Variants in UGT1A7 observed in about 807,000 individuals in gnomAD.
UGT1A7 encodes UDP-glucuronosyltransferase 1A7.
UGT1A7 carries 33 observed loss-of-function variants against 45.6 expected under a neutral mutation model. The ratio of observed to expected loss-of-function variants is 0.72; its 90% CI spans 0.55 to 0.97. The LOEUF (loss-of-function observed/expected upper bound fraction) is 0.97, where lower values mean the gene tolerates loss of function less well. UGT1A7 is among the 50% of genes least tolerant of loss of function. The pLI is 0.00. For synonymous variants in UGT1A7, 274 were observed against 250.6 expected (o/e 1.09, Z -0.88); for missense variants, 684 against 666.2 (o/e 1.03, Z -0.29).
At chr2:233,730,120 A>G in intron 1 of UGT1A7, 3 of 1,552,984 alleles carry the variant, frequency 1.9e-6, no homozygotes, top group Non-Finnish European at 1.7e-6. Context: ...TCTCCTTGTC[A>G]TAATAGCCTT....
intron 1 of UGT1A7, among the ~76,000 whole-genome samples, chr2:233,705,792 T>C (rs1402814731): frequency 2.6e-5 from 4 of 152,152 alleles, no homozygotes; most frequent in African/African-American, 7.2e-5. Context: ...AAAATGCCCC[T>C]TGTTCAAAAA....
chr2:233,757,927 A>C (rs1242249137), intron 1 of UGT1A7, among the ~76,000 whole-genome samples: 4 of 152,044 alleles, frequency 2.6e-5, no homozygotes, highest in African/African-American at 9.7e-5. Flanking sequence ...GCAGCCCCCA[A>C]AGCAAGACCA....
At chr2:233,719,798 T>C (rs2125672120) in intron 1 of UGT1A7, 1 of 1,604,450 alleles carries the variant, frequency 6.2e-7, no homozygotes, top group Non-Finnish European at 8.5e-7. Flanking sequence ...GATTTTATTT[T>C]GGCTTCTTTA....
At chr2:233,749,107 C>T (rs2125896789) in intron 1 of UGT1A7, among the ~76,000 whole-genome samples, 1 of 151,856 alleles carries the variant, frequency 6.6e-6, no homozygotes, top group Non-Finnish European at 1.5e-5. Flanking sequence ...GAGAATTCAG[C>T]CTTTTTATGT....
At chr2:233,759,776 G>A (rs1697250630) in intron 1 of UGT1A7, among the ~76,000 whole-genome samples, 1 of 152,160 alleles carries the variant, frequency 6.6e-6, no homozygotes, top group African/African-American at 2.4e-5. Context: ...ATTGTTGGAC[G>A]AAGGAATGAA....
intron 1 of UGT1A7, chr2:233,748,151 T>G (rs1288204203): frequency 6.9e-6 from 11 of 1,604,706 alleles, no homozygotes; most frequent in Admixed American, 3.3e-5. Context: ...TTACTTACAA[T>G]TGCTTCCATA....
intron 1 of UGT1A7, chr2:233,760,635 A>G (rs1697508597): frequency 6.2e-7 from 1 of 1,614,006 alleles, no homozygotes; most frequent in African/African-American, 1.3e-5. Context: ...ACAAGAAAAT[A>G]AAAAAGGACT....
At chr2:233,760,540 A>G (rs777452318) in intron 1 of UGT1A7, 2 of 1,614,130 alleles carry the variant, frequency 1.2e-6, no homozygotes, top group Non-Finnish European at 8.5e-7. Flanking sequence ...GCCATTCCAA[A>G]GGGAGGATGT....
At chr2:233,740,246 T>G (rs1354461528) in intron 1 of UGT1A7, among the ~76,000 whole-genome samples, 1 of 151,876 alleles carries the variant, frequency 6.6e-6, no homozygotes, top group African/African-American at 2.4e-5. Flanking sequence ...GAGAATAGAC[T>G]AATACAAGAT....
In UGT1A7 at chr2:233,767,872, C is replaced by A. The variant is rs997427896; in HGVS notation, c.1011C>A (p.Thr337=). The A allele has an allele frequency of 6.2e-7, 1 of 1,614,024 alleles. No individual in the cohort carries two copies. The highest frequency in any genetic ancestry group is 8.5e-7 in the Non-Finnish European group (1 of 1,180,044). The change falls in exon 3 of 5, where the codon ACC becomes ACA. Residue 337 remains threonine (T), a synonymous_variant. Coordinates refer to ENST00000373426, the MANE Select transcript of UGT1A7 (RefSeq NM_019077.3). ...PQTVLWRYTG[T]RPSNLANNTI... is the part of the protein sequence containing the mutation. Reference sequence around the variant, plus strand: ...AGGTCCTGTGGCGGTACACTGGAACCCGACCATCGAATCTTGCGAACAACA... The same window carrying A: ...AGGTCCTGTGGCGGTACACTGGAACACGACCATCGAATCTTGCGAACAACA...
intron 1 of UGT1A7, chr2:233,718,719 G>C: frequency 6.2e-7 from 1 of 1,609,316 alleles, no homozygotes; most frequent in Admixed American, 1.7e-5. Context: ...ATTACATGCT[G>C]ATTTGCTAGG....
chr2:233,693,265 G>A (rs1232427897), intron 1 of UGT1A7: 2 of 1,614,108 alleles, frequency 1.2e-6, no homozygotes, highest in South Asian at 2.2e-5. Flanking sequence ...AAGAAGAGCT[G>A]AAGAACCGTT....
At chr2:233,750,521 T>C (rs528794181) in intron 1 of UGT1A7, 1 of 151,984 alleles carries the variant, frequency 6.6e-6, no homozygotes, top group East Asian at 1.9e-4. Context: ...GCCAAGACAA[T>C]GGGGAAAATG....
At chr2:233,696,118 A>G (rs919527983) in intron 1 of UGT1A7, among the ~76,000 whole-genome samples, 1 of 152,248 alleles carries the variant, frequency 6.6e-6, no homozygotes, top group African/African-American at 2.4e-5. Context: ...AAAAAGAACT[A>G]GAACTGCCCC....
At chr2:233,713,063 C>G in intron 1 of UGT1A7, 2 of 1,614,158 alleles carry the variant, frequency 1.2e-6, no homozygotes, top group Non-Finnish European at 1.7e-6. Context: ...GTGTCCAGCC[C>G]TGGGCTGAGA....
chr2:233,721,880 C>A, intron 1 of UGT1A7: 1 of 494,092 alleles, frequency 2.0e-6, no homozygotes, highest in Admixed American at 2.1e-5. Flanking sequence ...CTTGCCAGCC[C>A]CTCCATTGCA....
At chr2:233,715,249 A>T (rs577425759) in intron 1 of UGT1A7, among the ~76,000 whole-genome samples, 3 of 152,282 alleles carry the variant, frequency 2.0e-5, no homozygotes, top group East Asian at 1.9e-4. Context: ...GATGTCTTTT[A>T]AAAAATCCCC....
chr2:233,765,207 A>G (rs1013371126), intron 1 of UGT1A7, among the ~76,000 whole-genome samples: 18 of 152,214 alleles, frequency 1.2e-4, no homozygotes, highest in Non-Finnish European at 1.5e-5. Context: ...TAGTGCCCTC[A>G]GTATTCTTTG....
At position 233,707,370 on chromosome 2, in the gene UGT1A7, A is replaced by C. The variant is rs567793964; in HGVS notation, c.855+24578A>C. ...AGATCAACCCATCACCTAGGTATTA[A>C]GCTCAGCATCCATGAGCTATTCTTT... On this transcript the variant is annotated intron_variant, in intron 1 of 4. Coordinates refer to ENST00000373426, the MANE Select transcript of UGT1A7 (RefSeq NM_019077.3). Among the ~76,000 whole-genome samples the C allele has an allele frequency of 3.9e-5, 6 of 152,172 alleles. No homozygotes were observed. The South Asian group carries it at 1.2e-3, about 32-fold the overall frequency.
Sources: allele counts gnomAD v4.1 joint callset (sites outside exome capture counted in the v4.1 genomes callset), GRCh38; gene constraint gnomAD v4.1.1; transcripts MANE v1.5; gene names NCBI Gene and HGNC (gene_info 2026-07-23, HGNC 2026-07-21).